Variants in ZNF831 observed in about 807,000 individuals in gnomAD.
ZNF831 encodes zinc finger protein 831.
Under a neutral mutation model 95.8 loss-of-function variants are expected in ZNF831, and 59 were observed. The ratio of observed to expected loss-of-function variants is 0.62; its 90% CI spans 0.50 to 0.77. The LOEUF (loss-of-function observed/expected upper bound fraction) is 0.77, where lower values mean the gene tolerates loss of function less well. ZNF831 is among the 30% of genes least tolerant of loss of function. ZNF831 has a pLI of 0.00. For missense variants in ZNF831, 2,205 were observed against 2,164.0 expected (o/e 1.02, Z -0.38); for synonymous variants, 961 against 925.5 (o/e 1.04, Z -0.70).
At chr20:59,213,760 G>C (rs912251283) in intron 4 of ZNF831, among the ~76,000 whole-genome samples, 2 of 152,196 alleles carry the variant, frequency 1.3e-5, no homozygotes, top group African/African-American at 4.8e-5. Flanking sequence ...TGGGATGGCA[G>C]TGGAGTAACC....
chr20:59,219,162 T>C (rs1985909296), intron 4 of ZNF831, among the ~76,000 whole-genome samples: 1 of 152,172 alleles, frequency 6.6e-6, no homozygotes, highest in Non-Finnish European at 1.5e-5. Flanking sequence ...CAATTAGGTA[T>C]GCATTTGTGA....
chr20:59,234,506 G>A (rs751827618), intron 4 of ZNF831, among the ~76,000 whole-genome samples: 9 of 152,208 alleles, frequency 5.9e-5, no homozygotes, highest in Non-Finnish European at 1.3e-4. Context: ...AAAAAATAAT[G>A]TGTTGATTTC....
At chr20:59,250,434 C>T (rs1287835692) in intron 4 of ZNF831, among the ~76,000 whole-genome samples, 1 of 152,182 alleles carries the variant, frequency 6.6e-6, no homozygotes, top group Non-Finnish European at 1.5e-5. Flanking sequence ...AGGGCAACCA[C>T]ATAACCTAAC....
At chr20:59,158,943 C>T (rs1040048848), upstream of ZNF831, among the ~76,000 whole-genome samples, 9 of 152,240 alleles carry the variant, frequency 5.9e-5, no homozygotes, top group East Asian at 3.9e-4. Flanking sequence ...TTTATGTGCA[C>T]GTCACCAGTC....
chr20:59,206,828 C>A, intron 3 of ZNF831, 77 bp from the exon 4 acceptor site: 1 of 1,540,162 alleles, frequency 6.5e-7, no homozygotes, highest in Non-Finnish European at 8.8e-7. Context: ...CCTGGGCACC[C>A]CACAGTGACT....
At chr20:59,235,026 G>A (rs1166780538) in intron 4 of ZNF831, among the ~76,000 whole-genome samples, 1 of 152,034 alleles carries the variant, frequency 6.6e-6, no homozygotes, top group Non-Finnish European at 1.5e-5. Context: ...TTGTCATCGT[G>A]GCTCCTAAGG....
chr20:59,233,047 G>T (rs1367366411), intron 4 of ZNF831, among the ~76,000 whole-genome samples: 2 of 137,816 alleles, frequency 1.5e-5, no homozygotes, highest in Non-Finnish European at 3.2e-5. Context: ...CACACACATA[G>T]AGAGAGAGAG....
rs1455787412 is a variant in ZNF831 at position 59,229,712 on chromosome 20, TCCTGCCCCA to T, written c.4027+22659_4027+22667del. 2.0e-5 allele frequency among the ~76,000 whole-genome samples: 3 copies of T among 152,310 alleles called. No homozygotes were observed. In the East Asian group the frequency reaches 5.8e-4, roughly 29 times the overall value. On this transcript the variant is annotated intron_variant, in intron 4 of 5. Transcript: ENST00000371030. ...CCATTGACCTAGGACCTTTCTCTGT[TCCTGCCCCA>T]CCCACCCCTACTCTTTTCATTTAAT...
At position 59,193,201 on chromosome 20, in the gene ZNF831, G is replaced by A. The variant is rs373045621; in HGVS notation, c.2182G>A (p.Ala728Thr). The change falls in exon 2 of 6, where the codon GCT (alanine) becomes ACT (threonine). Residue 728 changes from alanine to threonine, a missense_variant. By Grantham distance (58) the Ala-to-Thr change is moderately conservative (BLOSUM62 0). Transcript: ENST00000371030. ...GDSDRPRVEEAVSSPALGGRD... is the reference protein window; with the variant it reads ...GDSDRPRVEETVSSPALGGRD... ...CAGTGACCGACCCAGGGTGGAAGAG[G>A]CTGTGTCATCCCCTGCACTGGGTGG... 1.1e-5 allele frequency: 18 copies of A among 1,583,064 alleles called. No homozygotes were observed. The highest frequency in any genetic ancestry group is 3.6e-5 in the Admixed American group (2 of 55,362).
chr20:59,183,960 C>G (rs1982815723), intron 1 of ZNF831, among the ~76,000 whole-genome samples: 1 of 152,280 alleles, frequency 6.6e-6, no homozygotes, highest in Admixed American at 6.5e-5. Flanking sequence ...TGAGTTTTGA[C>G]AAATGTATAG....
At chr20:59,129,053 C>T (rs770991857) in intron 1 of ZNF831, among the ~76,000 whole-genome samples, 53 of 152,298 alleles carry the variant, frequency 3.5e-4, no homozygotes, top group East Asian at 1.6e-3. Flanking sequence ...CATGAGCCAC[C>T]GTGCCTGGCC....
At chr20:59,145,582 A>T (rs1384240138) in intron 1 of ZNF831, among the ~76,000 whole-genome samples, 1 of 152,188 alleles carries the variant, frequency 6.6e-6, no homozygotes, top group African/African-American at 2.4e-5. Context: ...ATGTGAAAGG[A>T]CACCTCACCC....
intron 1 of ZNF831, among the ~76,000 whole-genome samples, chr20:59,140,070 G>A (rs1466239175): frequency 6.6e-6 from 1 of 152,198 alleles, no homozygotes; most frequent in Non-Finnish European, 1.5e-5. Context: ...AGAATGCATT[G>A]TGTCATGGTT....
chr20:59,171,292 C>G (rs959612955), intron 1 of ZNF831, among the ~76,000 whole-genome samples: 2 of 152,242 alleles, frequency 1.3e-5, no homozygotes, highest in Non-Finnish European at 2.9e-5. Context: ...ACTGTGTCCA[C>G]TTTAAAGGAG....
At position 59,217,764 on chromosome 20, in the gene ZNF831, G is replaced by A. The variant is rs1030042762; in HGVS notation, c.4027+10708G>A. On this transcript the variant is annotated intron_variant, in intron 4 of 5. Transcript: ENST00000371030. This position sits in a 1 kb window ranked among gnomAD's most constrained non-coding sequence, Gnocchi z 4.4. ...AAAAAAGAACATGGAGGGACGATAA[G>A]ACTCGTTTATTTATTTATTTATTTT... 3.9e-5 allele frequency among the ~76,000 whole-genome samples: 6 copies of A among 152,166 alleles called. No individual in the cohort carries two copies. Among genetic ancestry groups the A allele is most frequent in the Admixed American group, 1.3e-4 (2 of 15,284 alleles).
At chr20:59,141,346 A>G (rs970838593) in intron 1 of ZNF831, among the ~76,000 whole-genome samples, 1 of 152,144 alleles carries the variant, frequency 6.6e-6, no homozygotes, top group Non-Finnish European at 1.5e-5. Flanking sequence ...ATAGTTTTAC[A>G]TGTAAATCTA....
At chr20:59,216,792 T>C (rs546831332) in intron 4 of ZNF831, among the ~76,000 whole-genome samples, 7 of 152,132 alleles carry the variant, frequency 4.6e-5, no homozygotes, top group African/African-American at 1.4e-4. Flanking sequence ...GGGCCTGAAA[T>C]TTTTTTCCTG....
At chr20:59,247,775 A>G (rs1277208612) in intron 4 of ZNF831, among the ~76,000 whole-genome samples, 1 of 152,200 alleles carries the variant, frequency 6.6e-6, no homozygotes, top group Non-Finnish European at 1.5e-5. Flanking sequence ...ATCCACATTC[A>G]TGGAGTTTTG....
At chr20:59,210,524 C>A (rs1985225520) in intron 4 of ZNF831, among the ~76,000 whole-genome samples, 2 of 152,342 alleles carry the variant, frequency 1.3e-5, no homozygotes, top group South Asian at 4.1e-4. Context: ...CCACAGGGGA[C>A]ACAGTTCCCA....
Sources: gnomAD v4.1 joint callset for allele counts (sites outside exome capture counted in the v4.1 genomes callset) on GRCh38, gnomAD v4.1.1 for gene constraint, Gnocchi (gnomAD v3.1) non-coding constraint, MANE v1.5 for transcripts, NCBI Gene and HGNC (gene_info 2026-07-23, HGNC 2026-07-21) for gene names.